Variants in CACNG2 observed in about 807,000 individuals in gnomAD.
CACNG2 encodes the protein voltage-dependent calcium channel gamma-2 subunit.
In CACNG2, 3 loss-of-function variants were observed where a neutral mutation model predicts 25.9. That is an observed-to-expected ratio of 0.12 (90% CI 0.05 to 0.30). CACNG2 has a LOEUF of 0.30. Ranked by LOEUF, CACNG2 falls within the 10% of genes least tolerant of loss-of-function variation. CACNG2 has a pLI of 1.00. For synonymous variants in CACNG2, 167 were observed against 173.3 expected (o/e 0.96, Z 0.29); for missense variants, 341 against 432.5 (o/e 0.79, Z 1.88).
rs115308658 is a variant in CACNG2, at chr22:36,687,899, C to A, written c.211+14467G>T. Among the ~76,000 whole-genome samples, 658 of 152,284 alleles carry A rather than the reference C, an allele frequency of 4.3e-3. 4 individuals carry two copies. The highest frequency in any genetic ancestry group is 0.015 in the African/African-American group (632 of 41,566). ...CCAGCAAGTAGATTCTTCCAAGAGCCTCCGGAAGGAATGCAGCCCTGCCCA... is the reference window on the plus strand; with the variant it reads ...CCAGCAAGTAGATTCTTCCAAGAGCATCCGGAAGGAATGCAGCCCTGCCCA... On this transcript the variant is annotated intron_variant, in intron 1 of 3. Transcript: ENST00000300105.
intron 1 of CACNG2, among the ~76,000 whole-genome samples, chr22:36,690,209 AG>A (rs1426693626): frequency 1.3e-5 from 2 of 152,210 alleles, no homozygotes; most frequent in African/African-American, 2.4e-5. Context: ...GGTGGAGCGG[AG>A]CAGCCATGTA....
chr22:36,597,045 TAG>T (rs1006322354), intron 1 of CACNG2, among the ~76,000 whole-genome samples: 30 of 151,518 alleles, frequency 2.0e-4, no homozygotes, highest in African/African-American at 7.3e-4. Context: ...TGTTTTGAGA[TAG>T]AGTCTCTCTC....
In CACNG2 at chr22:36,580,952, C is replaced by A. The variant is rs143346491; in HGVS notation, c.295+6513G>T. ...ATAGACACTCAAACACACAGACATG[C>A]GGGTACCGAAAGACACAGAACACAG... is the stretch of plus-strand genomic sequence containing the variant. On this transcript the variant is annotated intron_variant, in intron 2 of 3. Coordinates refer to ENST00000300105, the MANE Select transcript of CACNG2 (RefSeq NM_006078.5). Among the ~76,000 whole-genome samples, 160 of 152,240 alleles carry A rather than the reference C, an allele frequency of 1.1e-3. 3 individuals carry two copies. The South Asian group carries it at 0.015, about 14-fold the overall frequency.
In CACNG2 at chr22:36,675,014, C is replaced by T. The variant is rs114562398; in HGVS notation, c.211+27352G>A. ...AGTAAGTGTTCAATAAATCCTGCCT[C>T]ATTATTCATAGGGTTAGTGAGAAGA... On this transcript the variant is annotated intron_variant, in intron 1 of 3. Transcript: ENST00000300105. 7.5e-4 allele frequency among the ~76,000 whole-genome samples: 114 copies of T among 152,312 alleles called. 1 individual carries two copies. The highest frequency in any genetic ancestry group is 2.5e-3 in the African/African-American group (102 of 41,574).
At chr22:36,676,575 A>C (rs1416406194) in intron 1 of CACNG2, among the ~76,000 whole-genome samples, 1 of 152,236 alleles carries the variant, frequency 6.6e-6, no homozygotes, top group Non-Finnish European at 1.5e-5. Context: ...TGCGAAGCCC[A>C]GGGCTTGGAA....
chr22:36,568,987 T>G (rs1197818098), intron 2 of CACNG2, among the ~76,000 whole-genome samples: 3 of 151,964 alleles, frequency 2.0e-5, no homozygotes, highest in Non-Finnish European at 4.4e-5. Flanking sequence ...TCCTTGCAAA[T>G]CATTGCTAAG....
intron 2 of CACNG2, among the ~76,000 whole-genome samples, chr22:36,580,014 G>A (rs1181213702): frequency 6.6e-6 from 1 of 152,248 alleles, no homozygotes; most frequent in Non-Finnish European, 1.5e-5. Flanking sequence ...AATGGGATGC[G>A]ACAGTGAACA....
At chr22:36,578,378 A>C (rs527335149) in intron 2 of CACNG2, among the ~76,000 whole-genome samples, 91 of 146,778 alleles carry the variant, frequency 6.2e-4, no homozygotes, top group Non-Finnish European at 8.7e-4. Flanking sequence ...AAAAAGCCGG[A>C]ATGATGGATC....
chr22:36,680,085 C>T (rs1000644452), intron 1 of CACNG2, among the ~76,000 whole-genome samples: 62 of 141,748 alleles, frequency 4.4e-4, no homozygotes, highest in Non-Finnish European at 8.4e-4. Context: ...CCACCATCAC[C>T]GCCACCTTCA....
At chr22:36,581,186 T>G (rs1935411989) in intron 2 of CACNG2, among the ~76,000 whole-genome samples, 1 of 152,206 alleles carries the variant, frequency 6.6e-6, no homozygotes, top group African/African-American at 2.4e-5. Context: ...TCACATTCAT[T>G]ACTGGGTAAG....
At chr22:36,604,378 A>C (rs528082444) in intron 1 of CACNG2, among the ~76,000 whole-genome samples, 2 of 152,384 alleles carry the variant, frequency 1.3e-5, no homozygotes, top group South Asian at 4.1e-4. Flanking sequence ...AAGTATTTAG[A>C]AGATGATATA....
intron 2 of CACNG2, among the ~76,000 whole-genome samples, chr22:36,572,147 A>C (rs1173556387): frequency 1.3e-5 from 2 of 152,178 alleles, no homozygotes; most frequent in African/African-American, 4.8e-5. Context: ...AGCATATGGC[A>C]CTTCACATTA....
At chr22:36,605,378 A>G (rs1410805218) in intron 1 of CACNG2, among the ~76,000 whole-genome samples, 1 of 152,212 alleles carries the variant, frequency 6.6e-6, no homozygotes, top group Admixed American at 6.5e-5. Flanking sequence ...CCCGGCCCCA[A>G]CATAACTTTT....
At chr22:36,599,478 T>C (rs1935722958) in intron 1 of CACNG2, among the ~76,000 whole-genome samples, 1 of 151,964 alleles carries the variant, frequency 6.6e-6, no homozygotes, top group Admixed American at 6.6e-5. Flanking sequence ...GGTGGGAGGA[T>C]CGCATGAGCC....
intron 1 of CACNG2, among the ~76,000 whole-genome samples, chr22:36,646,268 T>C (rs1936523147): frequency 6.6e-6 from 1 of 152,206 alleles, no homozygotes; most frequent in African/African-American, 2.4e-5. Flanking sequence ...TCCTTTAATG[T>C]TTCTCTTTCC....
intron 2 of CACNG2, among the ~76,000 whole-genome samples, chr22:36,571,882 C>CA (rs1190439992): frequency 0.17 from 16,571 of 99,402 alleles, 1,457 homozygotes; most frequent in African/African-American, 0.29. Flanking sequence ...GTCTCAAAAA[C>CA]AAAAAAAAAA....
At chr22:36,664,307 T>A (rs2284001) in intron 1 of CACNG2, among the ~76,000 whole-genome samples, 2 of 152,022 alleles carry the variant, frequency 1.3e-5, no homozygotes, top group Admixed American at 1.3e-4. Context: ...TCTCTCTGCC[T>A]ATTCATTCAT....
At chr22:36,628,892 A>G (rs1019241191) in intron 1 of CACNG2, among the ~76,000 whole-genome samples, 1 of 152,188 alleles carries the variant, frequency 6.6e-6, no homozygotes, top group African/African-American at 2.4e-5. Context: ...TGCACCTTCA[A>G]TAAAAAAGAT....
At chr22:36,578,474 G>A (rs913264474) in intron 2 of CACNG2, among the ~76,000 whole-genome samples, 2 of 151,980 alleles carry the variant, frequency 1.3e-5, no homozygotes, top group African/African-American at 4.8e-5. Context: ...ACCTAAAAAA[G>A]CACTGTTCAC....
Sources: gnomAD v4.1 joint callset for allele counts (sites outside exome capture counted in the v4.1 genomes callset) on GRCh38, gnomAD v4.1.1 for gene constraint, MANE v1.5 for transcripts, NCBI Gene and HGNC (gene_info 2026-07-23, HGNC 2026-07-21) for gene names.